Variants in COMMD6 observed in about 807,000 individuals in gnomAD.
COMMD6 encodes the protein COMM domain containing 6, also known as COMM domain-containing protein 6.
Under a neutral mutation model 13.4 loss-of-function variants are expected in COMMD6, and 11 were observed. The observed-to-expected ratio is 0.82, with a 90% confidence interval of 0.52 to 1.36. The LOEUF (loss-of-function observed/expected upper bound fraction) is 1.36. Ranked by LOEUF, COMMD6 falls within the 40% of genes most tolerant of loss-of-function variation. The pLI, the probability that COMMD6 is intolerant of heterozygous loss-of-function variation, is 0.00. For missense variants in COMMD6, 124 were observed against 102.4 expected (o/e 1.21, Z -0.91); for synonymous variants, 43 against 36.5 (o/e 1.18, Z -0.64).
At chr13:75,538,602 C>A (rs2030762818), upstream of COMMD6, among the ~76,000 whole-genome samples, 1 of 152,208 alleles carries the variant, frequency 6.6e-6, no homozygotes, top group South Asian at 2.1e-4. Context: ...AGCATGTTGT[C>A]TCCTAAGAAC....
intron 2 of COMMD6, among the ~76,000 whole-genome samples, chr13:75,532,190 A>C (rs1427363494): frequency 1.3e-5 from 2 of 152,184 alleles, no homozygotes; most frequent in Non-Finnish European, 2.9e-5. Flanking sequence ...GTAACACTCC[A>C]TTTATTGACT....
chr13:75,526,507 T>TC lies in COMMD6; in HGVS notation c.*81dup. 1 of 915,396 alleles carries TC rather than the reference T, an allele frequency of 1.1e-6. No individual in the cohort carries two copies. Among genetic ancestry groups the TC allele is most frequent in the Non-Finnish European group, 1.7e-6 (1 of 589,682 alleles). The allele number at this position is 915,396 out of a possible 1,614,324, so 56.7% of individuals were successfully genotyped here. On this transcript the variant is annotated 3_prime_UTR_variant, in exon 4 of 4. Transcript: ENST00000682242. ...AGTGCATTTTTCATTCAATAAATGT[T>TC]CCATCCTTATTTAGTTTTGTTGCCG...
chr13:75,526,680 G>T, intron 3 of COMMD6, 41 bp from the exon 4 acceptor site: 2 of 1,424,460 alleles, frequency 1.4e-6, no homozygotes, highest in Non-Finnish European at 9.8e-7. Context: ...TTTGCTTTTA[G>T]AAGATATTTA....
In COMMD6 at chr13:75,526,628, T is replaced by C; in HGVS notation, c.219A>G (p.Arg73=). The change falls in exon 4 of 4, where the codon AGA becomes AGG. Residue 73 remains arginine (R), a synonymous_variant. Transcript: ENST00000682242. ...MTIPQFQNFY[R]QFKEIAAVIE... Reference sequence around the variant, plus strand: ...TAACTGCAGCAATTTCCTTGAACTGTCTGTAGAAATTCTGGAGAGAAAGGG... The same window carrying C: ...TAACTGCAGCAATTTCCTTGAACTGCCTGTAGAAATTCTGGAGAGAAAGGG... The C allele has an allele frequency of 6.2e-7, 1 of 1,604,258 alleles. No homozygotes were observed. The highest frequency in any genetic ancestry group is 8.5e-7 in the Non-Finnish European group (1 of 1,173,818).
Position 75,530,251 on chromosome 13 carries a change from A to C in COMMD6, c.70T>G (p.Trp24Gly), listed in dbSNP as rs978434784. 1.7e-5 allele frequency: 27 copies of C among 1,610,730 alleles called. No individual in the cohort carries two copies. The highest frequency in any genetic ancestry group is 2.2e-5 in the Non-Finnish European group (26 of 1,178,784). ...DVTNQLVDFQ[W>G]KLGMAVSSDT... The stretch of plus-strand genomic sequence containing the variant: ...GAGCTCACAGCCATACCCAGTTTCC[A>C]CTGAAAATCTACAAGCTTTAATAAG... The change falls in exon 3 of 4, where the codon TGG becomes GGG. Residue 24 changes from tryptophan (W) to glycine (G), a missense_variant. Physicochemically the swap from Trp to Gly is radical, Grantham distance 184. Coordinates refer to ENST00000682242, the MANE Select transcript of COMMD6 (RefSeq NM_203495.4).
intron 3 of COMMD6, among the ~76,000 whole-genome samples, chr13:75,528,806 C>G (rs2030358822): frequency 6.6e-6 from 1 of 150,830 alleles, no homozygotes; most frequent in African/African-American, 2.4e-5. Context: ...CATACCATTG[C>G]ACTGCAATTG....
upstream of COMMD6, among the ~76,000 whole-genome samples, chr13:75,539,428 T>TG (rs1555271248): frequency 6.6e-6 from 1 of 152,074 alleles, no homozygotes; most frequent in Non-Finnish European, 1.5e-5. Context: ...TTAGTAGAGA[T>TG]GGGGTCTCTC....
intron 1 of COMMD6, among the ~76,000 whole-genome samples, chr13:75,544,655 C>A (rs1040464002): frequency 6.6e-6 from 1 of 152,068 alleles, no homozygotes; most frequent in Non-Finnish European, 1.5e-5. Flanking sequence ...CCCAGCTAAT[C>A]TGGAGGCTGA....
chr13:75,536,544 T>C (rs1281506140), intron 2 of COMMD6, among the ~76,000 whole-genome samples: 1 of 152,016 alleles, frequency 6.6e-6, no homozygotes, highest in Non-Finnish European at 1.5e-5. Context: ...AGGGTCCTTA[T>C]AAGAGGGAGG....
At chr13:75,545,536 T>G (rs966258646) in intron 1 of COMMD6, among the ~76,000 whole-genome samples, 1 of 151,838 alleles carries the variant, frequency 6.6e-6, no homozygotes, top group African/African-American at 2.4e-5. Context: ...GCGGTGGCGC[T>G]ATCTCTGCTC....
chr13:75,526,435 G>C lies in COMMD6; in HGVS notation c.*154C>G. ...GTTTTGCATTCATCACCACTACCCAGTTCCTGTTTGTCTGATTTTTATTAT... is the reference window on the plus strand; with the variant it reads ...GTTTTGCATTCATCACCACTACCCACTTCCTGTTTGTCTGATTTTTATTAT... On this transcript the variant is annotated 3_prime_UTR_variant, in exon 4 of 4. Transcript: ENST00000682242. 1.7e-6 allele frequency: 1 copy of C among 594,278 alleles called. No individual in the cohort carries two copies. Among genetic ancestry groups the C allele is most frequent in the East Asian group, 2.7e-5 (1 of 36,464 alleles). The allele number at this position is 594,278 out of a possible 1,614,324, so 36.8% of individuals were successfully genotyped here. A position where few individuals can be genotyped will look rare whatever the true frequency, so the allele number is the denominator to read the frequency against.
upstream of COMMD6, among the ~76,000 whole-genome samples, chr13:75,539,036 T>C (rs2030775169): frequency 6.6e-6 from 1 of 152,254 alleles, no homozygotes; most frequent in South Asian, 2.1e-4. Context: ...TTGTGGCTCC[T>C]TCCTCCACCT....
upstream of COMMD6, among the ~76,000 whole-genome samples, chr13:75,538,320 C>T (rs1234694856): frequency 6.6e-6 from 1 of 152,256 alleles, no homozygotes; most frequent in African/African-American, 2.4e-5. Flanking sequence ...TCTTGAATCC[C>T]AGCCCTCAGT....
At chr13:75,538,868 A>G (rs2084866450), upstream of COMMD6, 1 of 146,542 alleles carries the variant, frequency 6.8e-6, no homozygotes, top group Non-Finnish European at 1.5e-5. Flanking sequence ...GTGTTCCTCA[A>G]TGAAGGTTCC....
At chr13:75,526,666 T>G in intron 3 of COMMD6, 27 bp from the exon 4 acceptor site, 1 of 1,531,526 alleles carries the variant, frequency 6.5e-7, no homozygotes, top group Non-Finnish European at 9.0e-7. Flanking sequence ...AAAATAATAT[T>G]AATTTTGCTT....
At chr13:75,536,316 T>C (rs1358002117) in intron 2 of COMMD6, among the ~76,000 whole-genome samples, 2 of 152,246 alleles carry the variant, frequency 1.3e-5, no homozygotes, top group Non-Finnish European at 2.9e-5. Context: ...ATCTTGGCTT[T>C]TCCTATGCAA....
intron 1 of COMMD6, 43 bp from the exon 2 acceptor site, chr13:75,537,718 T>G (rs1423627311): frequency 1.2e-6 from 2 of 1,614,014 alleles, no homozygotes; most frequent in East Asian, 4.5e-5. Flanking sequence ...ACATCTTTCT[T>G]GCTCCAGAGC....
rs921858969 is a variant in COMMD6, at chr13:75,528,395, T to C, written c.207+1719A>G. ...CATATTTAGTTGAATGTTATTCCCA[T>C]ATCACAATATACATTTATTTCCTTT... On this transcript the variant is annotated intron_variant, in intron 3 of 3. Transcript: ENST00000682242. 2.0e-5 allele frequency among the ~76,000 whole-genome samples: 3 copies of C among 152,236 alleles called. No individual in the cohort carries two copies. In the South Asian group the frequency reaches 6.2e-4, roughly 31 times the overall value.
At chr13:75,539,612 A>G (rs543718054), upstream of COMMD6, among the ~76,000 whole-genome samples, 16 of 152,304 alleles carry the variant, frequency 1.1e-4, no homozygotes, top group African/African-American at 3.6e-4. Context: ...CAGTACCTAA[A>G]TTAGTGTTTC....
Sources: allele counts gnomAD v4.1 joint callset (sites outside exome capture counted in the v4.1 genomes callset), GRCh38; gene constraint gnomAD v4.1.1; transcripts MANE v1.5; gene names NCBI Gene and HGNC (gene_info 2026-07-23, HGNC 2026-07-21).